RARB: variants seen among roughly 807,000 people sequenced by gnomAD.
RARB encodes HBV-activated protein.
Under a neutral mutation model 51.9 loss-of-function variants are expected in RARB, and 17 were observed. That is an observed-to-expected ratio of 0.33 (90% CI 0.22 to 0.49). The LOEUF is 0.49. Ranked by LOEUF, RARB falls within the 20% of genes least tolerant of loss-of-function variation. The probability of loss-of-function intolerance (pLI) is 0.99; values close to 1 mark genes in which losing one functional copy is unlikely to be tolerated. For missense variants in RARB, 369 were observed against 550.8 expected (o/e 0.67, Z 3.30); for synonymous variants, 215 against 195.4 (o/e 1.10, Z -0.84).
intron 3 of RARB, among the ~76,000 whole-genome samples, chr3:25,504,283 A>C (rs1362191005): frequency 6.6e-6 from 1 of 152,182 alleles, no homozygotes. Context: ...ATGTCTAACA[A>C]AGAAGGGCAC....
At chr3:25,406,574 G>T (rs899164646) in intron 5 of RARB, among the ~76,000 whole-genome samples, 3 of 152,160 alleles carry the variant, frequency 2.0e-5, no homozygotes, top group Non-Finnish European at 4.4e-5. Context: ...GGATAATCTG[G>T]TCATATTGGA....
rs545818065 is a variant in RARB at position 24,908,204 on chromosome 3, G to A, written c.-380+49452G>A. On this transcript the variant is annotated intron_variant, in intron 2 of 11. Transcript: ENST00000383772. ...TGTTCAGATATTTGGTCTCCTAGAG[G>A]TATACTTGGATTTTTATTGTTAGAG... 5.7e-4 allele frequency among the ~76,000 whole-genome samples: 87 copies of A among 152,228 alleles called. 1 individual carries two copies. Among genetic ancestry groups the A allele is most frequent in the Non-Finnish European group, 1.0e-3 (70 of 68,024 alleles).
chr3:24,868,401 A>T (rs1470501698), intron 2 of RARB, among the ~76,000 whole-genome samples: 1 of 152,164 alleles, frequency 6.6e-6, no homozygotes, highest in Non-Finnish European at 1.5e-5. Flanking sequence ...AAAATACTTT[A>T]TATATTAACT....
At chr3:25,324,864 C>G (rs1167330261) in intron 5 of RARB, among the ~76,000 whole-genome samples, 2 of 152,148 alleles carry the variant, frequency 1.3e-5, no homozygotes, top group Admixed American at 6.5e-5. Context: ...CCCAAATTAC[C>G]TTTGATCTTC....
chr3:25,058,360 AG>A (rs1279917829), intron 2 of RARB, among the ~76,000 whole-genome samples: 4 of 151,874 alleles, frequency 2.6e-5, no homozygotes, highest in Non-Finnish European at 5.9e-5. Context: ...TTGCCACAAA[AG>A]GGTCTTTATA....
intron 5 of RARB, among the ~76,000 whole-genome samples, chr3:25,177,969 A>G (rs1440904601): frequency 2.0e-5 from 3 of 152,176 alleles, no homozygotes; most frequent in Non-Finnish European, 4.4e-5. Context: ...GATCATACCC[A>G]AGATCTTTTC....
intron 1 of RARB, among the ~76,000 whole-genome samples, chr3:24,852,474 G>A (rs1163080315): frequency 6.6e-6 from 1 of 152,096 alleles, no homozygotes; most frequent in Non-Finnish European, 1.5e-5. Context: ...GTTAAACATA[G>A]ATTGACTTTA....
chr3:24,874,240 A>G (rs1703001770), intron 2 of RARB, among the ~76,000 whole-genome samples: 1 of 151,994 alleles, frequency 6.6e-6, no homozygotes. Flanking sequence ...ATTGGTTGAG[A>G]CTTGCTTTAT....
chr3:24,940,655 T>C (rs2125399781), intron 2 of RARB, among the ~76,000 whole-genome samples: 1 of 152,244 alleles, frequency 6.6e-6, no homozygotes, highest in South Asian at 2.1e-4. Context: ...TGTGTGTTCT[T>C]AGAATAACCA....
At chr3:25,252,069 A>G (rs1281054529) in intron 5 of RARB, among the ~76,000 whole-genome samples, 2 of 152,130 alleles carry the variant, frequency 1.3e-5, no homozygotes, top group Non-Finnish European at 2.9e-5. Flanking sequence ...TTACTCTTTT[A>G]CATGTGAATA....
Position 25,304,322 on chromosome 3 carries a change from C to T in RARB, c.178+129747C>T, listed in dbSNP as rs932741694. On this transcript the variant is annotated intron_variant, in intron 5 of 11. Coordinates refer to the RARB transcript ENST00000383772. ...TTTGCTCCATTTCCACATCTTTGCC[C>T]AAGCTTTTCCTTCTGCTTAGAATGC... is the stretch of plus-strand genomic sequence containing the variant. 2.6e-5 allele frequency among the ~76,000 whole-genome samples: 4 copies of T among 152,288 alleles called. No homozygotes were observed. The East Asian group carries it at 7.7e-4, about 29-fold the overall frequency.
intron 2 of RARB, among the ~76,000 whole-genome samples, chr3:25,054,137 C>A (rs1375792619): frequency 6.6e-6 from 1 of 152,086 alleles, no homozygotes; most frequent in Admixed American, 6.6e-5. Context: ...GTTAGTGAGA[C>A]TTGTGTTGAA....
chr3:24,887,707 G>T (rs34562559), intron 2 of RARB, among the ~76,000 whole-genome samples: 1 of 152,002 alleles, frequency 6.6e-6, no homozygotes, highest in African/African-American at 2.4e-5. Context: ...TGTGACTTCT[G>T]AAGTCTTAAA....
At chr3:25,101,549 C>G (rs1466872305) in intron 3 of RARB, among the ~76,000 whole-genome samples, 1 of 151,598 alleles carries the variant, frequency 6.6e-6, no homozygotes, top group East Asian at 1.9e-4. Context: ...TCATTATGTA[C>G]AGATCTATAT....
intron 2 of RARB, among the ~76,000 whole-genome samples, chr3:25,499,499 T>C (rs1236681601): frequency 6.6e-6 from 1 of 152,212 alleles, no homozygotes; most frequent in East Asian, 1.9e-4. Context: ...CAAAGCTGTA[T>C]GTAGAAACGG....
intron 3 of RARB, among the ~76,000 whole-genome samples, chr3:25,067,551 G>C (rs146981219): frequency 3.7e-4 from 56 of 152,242 alleles, no homozygotes; most frequent in Non-Finnish European, 6.9e-4. Flanking sequence ...GTACAGTTCT[G>C]ATGTTTCCAT....
intron 5 of RARB, among the ~76,000 whole-genome samples, chr3:25,378,692 T>G (rs1706538972): frequency 6.6e-6 from 1 of 152,176 alleles, no homozygotes; most frequent in South Asian, 2.1e-4. Flanking sequence ...TCCAAATGTT[T>G]TAAGGGCTTG....
intron 1 of RARB, among the ~76,000 whole-genome samples, chr3:25,440,107 T>A (rs2125526977): frequency 6.6e-6 from 1 of 152,298 alleles, no homozygotes; most frequent in East Asian, 1.9e-4. Context: ...ATTTGACACA[T>A]GATGCTCAGT....
At chr3:25,585,378 G>A (rs891560534) in intron 5 of RARB, among the ~76,000 whole-genome samples, 1 of 152,146 alleles carries the variant, frequency 6.6e-6, no homozygotes, top group African/African-American at 2.4e-5. Flanking sequence ...TCCAGCCTCT[G>A]GATAAAGGAG....
Sources: allele counts gnomAD v4.1 joint callset (sites outside exome capture counted in the v4.1 genomes callset), GRCh38; gene constraint gnomAD v4.1.1; transcripts MANE v1.5; gene names NCBI Gene and HGNC (gene_info 2026-07-23, HGNC 2026-07-21).